The following IL1R1 variants were observed in gnomAD, a reference collection of about 807,000 sequenced individuals.
IL1R1 encodes interleukin 1 receptor type 1, also known as interleukin-1 receptor type 1.
Under a neutral mutation model 50.2 loss-of-function variants are expected in IL1R1, and 22 were observed. That is an observed-to-expected ratio of 0.44 (90% CI 0.31 to 0.63). IL1R1 has a LOEUF of 0.63. Among genes scored for constraint, IL1R1 ranks in the 20% least tolerant of loss-of-function variants. IL1R1 has a pLI of 0.07. For synonymous variants in IL1R1, 251 were observed against 236.7 expected, an observed-to-expected ratio of 1.06 and a Z score of -0.55; for missense variants, 509 against 676.2, an observed-to-expected ratio of 0.75 and a Z score of 2.74.
upstream of IL1R1, among the ~76,000 whole-genome samples, chr2:102,139,555 G>A (rs1682526268): frequency 6.6e-6 from 1 of 152,274 alleles, no homozygotes; most frequent in African/African-American, 2.4e-5. Context: ...AATCCCCAAT[G>A]TTGGAGGTGG....
chr2:102,175,668 T>A (rs753927818), intron 11 of IL1R1, 23 bp downstream of exon 11: 2 of 1,608,114 alleles, frequency 1.2e-6, no homozygotes, highest in Middle Eastern at 3.3e-4. Flanking sequence ...TGGAACAGAG[T>A]AAAGGCTTAT....
intron 1 of IL1R1, among the ~76,000 whole-genome samples, chr2:102,120,776 G>A (rs1477581380): frequency 6.6e-6 from 1 of 152,166 alleles, no homozygotes; most frequent in African/African-American, 2.4e-5. Flanking sequence ...CGCTCTGCAG[G>A]TGGGTAGGGA....
intron 1 of IL1R1, among the ~76,000 whole-genome samples, chr2:102,133,763 T>C (rs1682175172): frequency 6.6e-6 from 1 of 152,186 alleles, no homozygotes; most frequent in Admixed American, 6.5e-5. Context: ...ACTTCTTCAA[T>C]CCAATAAGGG....
At chr2:102,100,303 G>A (rs1299281167), upstream of IL1R1, among the ~76,000 whole-genome samples, 1 of 152,090 alleles carries the variant, frequency 6.6e-6, no homozygotes. Flanking sequence ...CCATGACCAT[G>A]TCCATGCCCA....
chr2:102,135,200 G>A (rs1009994364), intron 1 of IL1R1, among the ~76,000 whole-genome samples: 2 of 152,086 alleles, frequency 1.3e-5, no homozygotes, highest in Admixed American at 6.5e-5. Context: ...ATGAACCTAT[G>A]CCTGGGAACC....
At chr2:102,079,905 A>C (rs924288993) in intron 1 of IL1R1, among the ~76,000 whole-genome samples, 3 of 152,206 alleles carry the variant, frequency 2.0e-5, no homozygotes, top group African/African-American at 7.2e-5. Context: ...ATCAATAAAA[A>C]TAGAATTAAG....
chr2:102,149,483 A>G (rs1402459361), intron 1 of IL1R1, among the ~76,000 whole-genome samples: 1 of 152,186 alleles, frequency 6.6e-6, no homozygotes, highest in Non-Finnish European at 1.5e-5. Flanking sequence ...TCTGCTCTGC[A>G]GCTTGGCCAG....
At chr2:102,140,699 G>C (rs2104436965), upstream of IL1R1, among the ~76,000 whole-genome samples, 1 of 152,310 alleles carries the variant, frequency 6.6e-6, no homozygotes, top group Non-Finnish European at 1.5e-5. Flanking sequence ...CCCAGGGGAT[G>C]GAGTGAGACA....
intron 1 of IL1R1, among the ~76,000 whole-genome samples, chr2:102,081,695 G>T (rs1679214737): frequency 6.6e-6 from 1 of 152,230 alleles, no homozygotes; most frequent in African/African-American, 2.4e-5. Context: ...ATGGCGACTT[G>T]ATTCTCATCT....
intron 1 of IL1R1, among the ~76,000 whole-genome samples, chr2:102,121,350 C>T (rs768438868): frequency 1.3e-5 from 2 of 152,192 alleles, no homozygotes; most frequent in South Asian, 2.1e-4. Context: ...CAGCTTCCTC[C>T]GCTTTGCCAG....
intron 1 of IL1R1, among the ~76,000 whole-genome samples, chr2:102,114,690 G>A (rs1541570): frequency 0.017 from 2,588 of 152,272 alleles, 237 homozygotes; most frequent in Admixed American, 0.14. Flanking sequence ...TTATGTAACC[G>A]CAAGATCAGA....
chr2:102,090,179 T>A (rs1679605622), intron 1 of IL1R1, among the ~76,000 whole-genome samples: 1 of 150,552 alleles, frequency 6.6e-6, no homozygotes, highest in Non-Finnish European at 1.5e-5. Flanking sequence ...AATTTGGCCT[T>A]CTAGTCCTTT....
intron 9 of IL1R1, among the ~76,000 whole-genome samples, chr2:102,173,334 A>G (rs1330753493): frequency 1.3e-5 from 2 of 152,194 alleles, no homozygotes; most frequent in African/African-American, 4.8e-5. Context: ...ATAATATTGA[A>G]AGTATTTGTG....
At chr2:102,128,435 A>G (rs1205081656) in intron 1 of IL1R1, among the ~76,000 whole-genome samples, 1 of 152,220 alleles carries the variant, frequency 6.6e-6, no homozygotes, top group African/African-American at 2.4e-5. Flanking sequence ...AATATAATGA[A>G]TGTTTGGCAG....
chr2:102,127,368 A>G (rs186751372), intron 1 of IL1R1, among the ~76,000 whole-genome samples: 1 of 152,338 alleles, frequency 6.6e-6, no homozygotes, highest in East Asian at 1.9e-4. Flanking sequence ...AGATTGAAAA[A>G]TACTGAAATC....
intron 3 of IL1R1, among the ~76,000 whole-genome samples, chr2:102,160,856 G>T (rs1429947037): frequency 6.6e-6 from 1 of 152,174 alleles, no homozygotes; most frequent in East Asian, 1.9e-4. Context: ...CTGTGGTTTT[G>T]CGTGGTATGG....
chr2:102,081,106 G>A (rs540769532), intron 1 of IL1R1, among the ~76,000 whole-genome samples: 2 of 152,272 alleles, frequency 1.3e-5, no homozygotes, highest in East Asian at 1.9e-4. Context: ...TCTTTTGGGG[G>A]TGATGAAAAT....
rs533066447 is a variant in IL1R1 at position 102,105,848 on chromosome 2, A to G, written c.-84+976A>G. Among the ~76,000 whole-genome samples, 127 of 152,250 alleles carry G rather than the reference A, an allele frequency of 8.3e-4. 1 individual carries two copies. Among genetic ancestry groups the G allele is most frequent in the African/African-American group, 3.0e-3 (123 of 41,532 alleles). On this transcript the variant is annotated intron_variant, in intron 1 of 10. Coordinates refer to the IL1R1 transcript ENST00000409329. Reference sequence around the variant, plus strand: ...TGTTGCACCTATAGCTATAGAGAAGACCATGCACTCTCAGAGGGGATTATA... The same window carrying G: ...TGTTGCACCTATAGCTATAGAGAAGGCCATGCACTCTCAGAGGGGATTATA...
Position 102,178,906 on chromosome 2 carries a change from G to T in IL1R1, c.*2147G>T, listed in dbSNP as rs919989692. 21 of 152,238 alleles carry T rather than the reference G, an allele frequency of 1.4e-4. No individual in the cohort carries two copies. Among genetic ancestry groups the T allele is most frequent in the African/African-American group, 3.6e-4 (15 of 41,426 alleles). 9.4% of individuals were successfully genotyped at this position (152,238 alleles called of 1,614,324 possible). A position where few individuals can be genotyped will look rare whatever the true frequency, so the allele number is the denominator to read the frequency against. Reference sequence around the variant, plus strand: ...TTTTTATATTTCTCGTATTTAATATGGGTGAACACCAACTTTTATTTGGAA... The same window carrying T: ...TTTTTATATTTCTCGTATTTAATATTGGTGAACACCAACTTTTATTTGGAA... On this transcript the variant is annotated 3_prime_UTR_variant, in exon 12 of 12. Coordinates refer to ENST00000410023, the MANE Select transcript of IL1R1 (RefSeq NM_000877.4).
Sources: allele counts gnomAD v4.1 joint callset (sites outside exome capture counted in the v4.1 genomes callset), GRCh38; gene constraint gnomAD v4.1.1; transcripts MANE v1.5; gene names NCBI Gene and HGNC (gene_info 2026-07-23, HGNC 2026-07-21).